CEP72: variants seen among roughly 807,000 people sequenced by gnomAD.
CEP72 encodes the protein centrosomal protein 72, also known as centrosomal protein of 72 kDa.
CEP72 carries 78 observed loss-of-function variants against 65.7 expected under a neutral mutation model. The ratio of observed to expected loss-of-function variants is 1.19; its 90% CI spans 0.99 to 1.43. The LOEUF is 1.43. Ranked by LOEUF, CEP72 falls within the 40% of genes most tolerant of loss-of-function variation. The probability of loss-of-function intolerance (pLI) is 0.00; values close to 1 mark genes in which losing one functional copy is unlikely to be tolerated. For synonymous variants in CEP72, 358 were observed against 351.7 expected (o/e 1.02, Z -0.20); for missense variants, 914 against 832.9 (o/e 1.10, Z -1.20).
intron 9 of CEP72, chr5:643,996 A>T: frequency 3.4e-6 from 1 of 298,482 alleles, no homozygotes; most frequent in Non-Finnish European, 6.3e-6. Context: ...GCCCAGCATC[A>T]GGCCTGCAGG....
chr5:625,217 T>C (rs1736675682), intron 4 of CEP72, among the ~76,000 whole-genome samples: 1 of 152,252 alleles, frequency 6.6e-6, no homozygotes, highest in Non-Finnish European at 1.5e-5. Flanking sequence ...GTGCTTTGTT[T>C]ATGGGTTGAT....
At chr5:635,718 C>T in intron 6 of CEP72, 134 bp downstream of exon 6, 1 of 689,344 alleles carries the variant, frequency 1.5e-6, no homozygotes. Context: ...GTGCCGGCAC[C>T]TGGTGCTGGT....
At chr5:675,549 CGGGGGTGCAGTGTGGCT>C in the CEP72 span, among the ~76,000 whole-genome samples, 2 of 38,994 alleles carry the variant, frequency 5.1e-5, no homozygotes, top group African/African-American at 9.2e-5. Context: ...GCCGTGTGGC[CGGGGGTGCAGTGTGGCT>C]GGGGGTGCGG....
downstream of CEP72, among the ~76,000 whole-genome samples, chr5:667,364 C>T (rs772897399): frequency 6.6e-6 from 1 of 152,142 alleles, no homozygotes; most frequent in Non-Finnish European, 1.5e-5. Flanking sequence ...AACTGGTGAT[C>T]CCTGTGCAAA....
At position 617,407 on chromosome 5, in the gene CEP72, G is replaced by A. The variant is rs181757953; in HGVS notation, c.83-1583G>A. Reference sequence around the variant, plus strand: ...AGAACATATTCTGGTTGGGTGTGGTGGCTCATGCCTGTAGTCTTGGGAGGC... The same window carrying A: ...AGAACATATTCTGGTTGGGTGTGGTAGCTCATGCCTGTAGTCTTGGGAGGC... On this transcript the variant is annotated intron_variant, in intron 1 of 11. Coordinates refer to ENST00000264935, the MANE Select transcript of CEP72 (RefSeq NM_018140.4). Among the ~76,000 whole-genome samples, 252 of 152,260 alleles carry A rather than the reference G, an allele frequency of 1.7e-3. 3 individuals carry two copies. The highest frequency in any genetic ancestry group is 1.3e-3 in the East Asian group (7 of 5,190).
intron 1 of CEP72, among the ~76,000 whole-genome samples, chr5:616,432 AG>A (rs1735993779): frequency 1.3e-5 from 2 of 150,844 alleles, no homozygotes; most frequent in African/African-American, 4.9e-5. Context: ...AATCCTTGTT[AG>A]ACCTAAGTTC....
downstream of CEP72, chr5:655,369 CAAA>C (rs1739348524): frequency 6.6e-6 from 1 of 151,692 alleles, no homozygotes; most frequent in African/African-American, 2.4e-5. This position sits in a 1 kb window ranked among gnomAD's most constrained non-coding sequence, Gnocchi z 5.0. Context: ...AAAAAAAAAA[CAAA>C]AAAACTCCAT....
intron 11 of CEP72, among the ~76,000 whole-genome samples, chr5:650,290 GA>G (rs1738912452): frequency 8.6e-6 from 1 of 116,562 alleles, no homozygotes. Flanking sequence ...GTGTGACTGT[GA>G]GGTGTGACTG....
At chr5:650,059 T>TG (rs771782244) in intron 11 of CEP72, among the ~76,000 whole-genome samples, 1 of 59,456 alleles carries the variant, frequency 1.7e-5, no homozygotes. Context: ...CTGTGAGGTG[T>TG]GACTGTGAGG....
At chr5:669,086 C>T (rs1018679994), downstream of CEP72, among the ~76,000 whole-genome samples, 34 of 152,266 alleles carry the variant, frequency 2.2e-4, no homozygotes, top group African/African-American at 8.2e-4. Context: ...CGGGGTCCCA[C>T]AGCTCAGACC....
chr5:650,499 T>G (rs1318545636), intron 11 of CEP72, among the ~76,000 whole-genome samples: 1 of 55,330 alleles, frequency 1.8e-5, no homozygotes, highest in Non-Finnish European at 3.1e-5. Flanking sequence ...GACTGTGAGG[T>G]GTGACTGTGA....
Position 628,247 on chromosome 5 carries a change from A to G in CEP72, c.512+3668A>G, listed in dbSNP as rs56174116. Among the ~76,000 whole-genome samples the G allele has an allele frequency of 3.6e-3, 551 of 152,372 alleles. 1 individual carries two copies. Among genetic ancestry groups the G allele is most frequent in the African/African-American group, 0.013 (529 of 41,586 alleles). On this transcript the variant is annotated intron_variant, in intron 4 of 11. Coordinates refer to ENST00000264935, the MANE Select transcript of CEP72 (RefSeq NM_018140.4). The stretch of plus-strand genomic sequence containing the variant: ...ACAGTTCCCGTCTTTGATCATCTCA[A>G]GACTGAACTATCACAGAGATGAGAG...
At chr5:627,349 G>A (rs1736823032) in intron 4 of CEP72, among the ~76,000 whole-genome samples, 1 of 152,124 alleles carries the variant, frequency 6.6e-6, no homozygotes, top group African/African-American at 2.4e-5. Flanking sequence ...AGTTATTCGT[G>A]TTTTCTTTTT....
intron 4 of CEP72, among the ~76,000 whole-genome samples, chr5:628,234 T>G (rs1353148598): frequency 6.6e-6 from 1 of 152,256 alleles, no homozygotes; most frequent in African/African-American, 2.4e-5. Flanking sequence ...AGTTCCCGTC[T>G]TTGATCATCT....
intron 9 of CEP72, 30 bp downstream of exon 9, chr5:640,634 C>G: frequency 6.3e-7 from 1 of 1,583,666 alleles, no homozygotes; most frequent in South Asian, 1.1e-5. Flanking sequence ...GTGTCTGTGT[C>G]CATGTGACTG....
Position 637,560 on chromosome 5 carries a change from T to C in CEP72, c.948T>C (p.Asp316=). 6.2e-7 allele frequency: 1 copy of C among 1,613,980 alleles called. No individual in the cohort carries two copies. Among genetic ancestry groups the C allele is most frequent in the Non-Finnish European group, 8.5e-7 (1 of 1,179,992 alleles). The change falls in exon 7 of 12, where the codon GAT becomes GAC. Residue 316 remains aspartate (D), a synonymous_variant. Transcript: ENST00000264935. ...TEDSASSQKL[D]LSGEMVPGPL... ...ACTCGGCCTCTTCTCAGAAGTTGGA[T>C]TTGTCAGGAGAAATGGTGCCTGGTC...
chr5:642,604 G>A lies in CEP72; in HGVS notation c.1540-1695G>A, dbSNP rs1469109788. 18 of 985,492 alleles carry A rather than the reference G, an allele frequency of 1.8e-5. No homozygotes were observed. In the East Asian group the frequency reaches 3.4e-4, roughly 19 times the overall value. 61.0% of individuals were successfully genotyped at this position (985,492 alleles called of 1,614,324 possible). A position where few individuals can be genotyped will look rare whatever the true frequency, so the allele number is the denominator to read the frequency against. ...AGAGTCACATGCAGCTGTGGCTGCC[G>A]TGGACGCCTGCTTTTTTGCCCTCTG... On this transcript the variant is annotated intron_variant, in intron 9 of 11. Transcript: ENST00000264935.
In CEP72 at chr5:635,396, A is replaced by T. The variant is rs774428636; in HGVS notation, c.716A>T (p.Gln239Leu). 6.2e-7 allele frequency: 1 copy of T among 1,613,148 alleles called. No individual in the cohort carries two copies. The highest frequency in any genetic ancestry group is 1.7e-5 in the Admixed American group (1 of 60,016). Residue 239 changes from glutamine (Q) to leucine (L), a missense_variant, in exon 6 of 12, where the codon CAG (glutamine) becomes CTG (leucine). Coordinates refer to ENST00000264935, the MANE Select transcript of CEP72 (RefSeq NM_018140.4). ...SQESRHLLSP[Q>L]LVQYQCGDSG... The stretch of plus-strand genomic sequence containing the variant: ...GAATCCAGACATCTGTTGAGCCCGC[A>T]GTTGGTACAGTACCAGTGTGGGGAC...
chr5:643,388 C>T (rs939818287), intron 9 of CEP72: 69 of 985,248 alleles, frequency 7.0e-5, no homozygotes, highest in Non-Finnish European at 7.5e-5. Flanking sequence ...GAGAAGTCCG[C>T]GAAATGAAGA....
Sources: allele counts gnomAD v4.1 joint callset (sites outside exome capture counted in the v4.1 genomes callset), GRCh38; gene constraint gnomAD v4.1.1; non-coding constraint Gnocchi (gnomAD v3.1); transcripts MANE v1.5; gene names NCBI Gene and HGNC (gene_info 2026-07-23, HGNC 2026-07-21).